NAB2: variants seen among roughly 807,000 people sequenced by gnomAD.
The protein encoded by NAB2 is NGFI-A-binding protein 2.
Under a neutral mutation model 44.2 loss-of-function variants are expected in NAB2, and 9 were observed. The ratio of observed to expected loss-of-function variants is 0.20; its 90% CI spans 0.12 to 0.36. The LOEUF is 0.36. Among genes scored for constraint, NAB2 ranks in the 10% least tolerant of loss-of-function variants. NAB2 has a pLI of 1.00. For synonymous variants in NAB2, 342 were observed against 291.0 expected, an observed-to-expected ratio of 1.18 and a Z score of -1.78; for missense variants, 514 against 709.0, an observed-to-expected ratio of 0.73 and a Z score of 3.12.
intron 1 of NAB2, 71 bp downstream of exon 1, chr12:57,089,425 G>A (rs932277715): frequency 1.4e-6 from 2 of 1,411,942 alleles, no homozygotes; most frequent in South Asian, 2.5e-5. Context: ...GGTCCAGAGG[G>A]CGGAGGTCGA....
At chr12:57,093,295 T>C in intron 5 of NAB2, 100 bp downstream of exon 5, 1 of 1,476,036 alleles carries the variant, frequency 6.8e-7, no homozygotes. Flanking sequence ...TGAAACAGGG[T>C]TGGGAGACCT....
chr12:57,091,045 G>C lies in NAB2; in HGVS notation c.84-80G>C, dbSNP rs1037167360. 4.3e-5 allele frequency: 53 copies of C among 1,231,638 alleles called. No homozygotes were observed. The highest frequency in any genetic ancestry group is 5.3e-5 in the Non-Finnish European group (47 of 892,324). 76.3% of individuals were successfully genotyped at this position (1,231,638 alleles called of 1,614,324 possible). ...GGGGAAGAAAAGCAGGCAGGAAAGAGGGAACAATTGTTAGTGTGGGTTGGT... is the reference window on the plus strand; with the variant it reads ...GGGGAAGAAAAGCAGGCAGGAAAGACGGAACAATTGTTAGTGTGGGTTGGT... On this transcript the variant is annotated intron_variant, in intron 1 of 6. Coordinates refer to ENST00000300131, the MANE Select transcript of NAB2 (RefSeq NM_005967.4). This position sits in a 1 kb window ranked among gnomAD's most constrained non-coding sequence, Gnocchi z 7.3.
intron 1 of NAB2, 110 bp downstream of exon 1, chr12:57,089,464 G>GT: frequency 1.2e-6 from 1 of 803,814 alleles, no homozygotes; most frequent in South Asian, 1.7e-5. Flanking sequence ...CAGGACGGGG[G>GT]TGGGGGGTGG....
chr12:57,090,182 G>A (rs572837371), intron 1 of NAB2, among the ~76,000 whole-genome samples: 9 of 151,914 alleles, frequency 5.9e-5, no homozygotes, highest in South Asian at 4.1e-4. Context: ...GGAAGCGTGC[G>A]TTAAGAATGC....
rs1256566848 is a variant in NAB2, at chr12:57,093,251, G to T, written c.1276+56G>T. The T allele has an allele frequency of 9.4e-5, 142 of 1,518,194 alleles. 2 individuals carry two copies. The highest frequency in any genetic ancestry group is 1.2e-4 in the Non-Finnish European group (139 of 1,133,180). The allele number at this position is 1,518,194 out of a possible 1,614,324, so 94.0% of individuals were successfully genotyped here. A position where few individuals can be genotyped will look rare whatever the true frequency, so the allele number is the denominator to read the frequency against. On this transcript the variant is annotated intron_variant, in intron 5 of 6. Transcript: ENST00000300131. ...ATTGAGGGTGGGGGAGTAGGGGAGG[G>T]GGTTGGGGGAGGAGTGAGCCAGGAG...
chr12:57,092,579 C>T lies in NAB2; in HGVS notation c.1089C>T (p.Ser363=). ...CCTACTTGTCCTCCTTGAAGGGCTCCAGGTGAGACCCCTTCCCCAGGTCCT... is the reference window on the plus strand; with the variant it reads ...CCTACTTGTCCTCCTTGAAGGGCTCTAGGTGAGACCCCTTCCCCAGGTCCT... ...ESTYLSSLKG[S]RLHPEELGGP... The change falls in exon 3 of 7, where the codon TCC becomes TCT. Residue 363 remains serine, a splice_region_variant and synonymous_variant. Coordinates refer to ENST00000300131, the MANE Select transcript of NAB2 (RefSeq NM_005967.4). 1 of 1,614,086 alleles carries T rather than the reference C, an allele frequency of 6.2e-7. No individual in the cohort carries two copies. The highest frequency in any genetic ancestry group is 8.5e-7 in the Non-Finnish European group (1 of 1,179,984).
Position 57,091,078 on chromosome 12 carries a change from A to ACTGCCTCTCTCTT in NAB2, c.84-47_84-46insCTGCCTCTCTCTT. The ACTGCCTCTCTCTT allele has an allele frequency of 6.9e-7, 1 of 1,448,136 alleles. No homozygotes were observed. The highest frequency in any genetic ancestry group is 1.4e-5 in the South Asian group (1 of 71,540). 89.7% of individuals were successfully genotyped at this position (1,448,136 alleles called of 1,614,324 possible). A position where few individuals can be genotyped will look rare whatever the true frequency, so the allele number is the denominator to read the frequency against. On this transcript the variant is annotated intron_variant, in intron 1 of 6. Coordinates refer to ENST00000300131, the MANE Select transcript of NAB2 (RefSeq NM_005967.4). The surrounding 1 kb of genome is among the most constrained non-coding windows in gnomAD (Gnocchi z 7.3). ...TTGTTAGTGTGGGTTGGTACCCAGT[A>ACTGCCTCTCTCTT]GGGGGACTTGCACCGACTGCCTCTC...
rs775383081 is a variant in NAB2, at chr12:57,091,671, C to T, written c.630C>T (p.Pro210=). ...EEEAGSPPFS[P]PAGGGVPEGT... is the part of the protein sequence containing the mutation. ...AGGCTGGCTCGCCCCCCTTCTCCCC[C>T]CCTGCAGGGGGAGGAGTCCCTGAGG... Residue 210 remains proline, a synonymous_variant, in exon 2 of 7, where the codon CCC becomes CCT. Transcript: ENST00000300131. The surrounding 1 kb of genome is among the most constrained non-coding windows in gnomAD (Gnocchi z 7.3). 5 of 1,611,522 alleles carry T rather than the reference C, an allele frequency of 3.1e-6. No homozygotes were observed. Among genetic ancestry groups the T allele is most frequent in the South Asian group, 2.2e-5 (2 of 90,940 alleles).
In NAB2 at chr12:57,091,835, C is replaced by T; in HGVS notation, c.794C>T (p.Thr265Ile). 1 of 1,614,186 alleles carries T rather than the reference C, an allele frequency of 6.2e-7. No individual in the cohort carries two copies. The highest frequency in any genetic ancestry group is 8.5e-7 in the Non-Finnish European group (1 of 1,180,018). ...SFPRGDAGEV[T>I]SLLKLNKKLA... ...CCAAGGGGGGATGCTGGGGAGGTCACATCCCTGCTAAAGCTGAATAAGAAG... is the reference window on the plus strand; with the variant it reads ...CCAAGGGGGGATGCTGGGGAGGTCATATCCCTGCTAAAGCTGAATAAGAAG... The change falls in exon 2 of 7, where the codon ACA becomes ATA. Residue 265 changes from threonine (T) to isoleucine (I), a missense_variant. Thr to Ile is a moderately conservative substitution (Grantham distance 89). Transcript: ENST00000300131. This position sits in a 1 kb window ranked among gnomAD's most constrained non-coding sequence, Gnocchi z 7.3.
At chr12:57,092,183 A>G in intron 2 of NAB2, 185 bp downstream of exon 2, 1 of 1,133,908 alleles carries the variant, frequency 8.8e-7, no homozygotes, top group Non-Finnish European at 1.2e-6. Context: ...GCTGAGGGGG[A>G]AGCAGAGATA....
At chr12:57,092,353 G>C in intron 2 of NAB2, 95 bp from the exon 3 acceptor site, 1 of 1,506,338 alleles carries the variant, frequency 6.6e-7, no homozygotes, top group Non-Finnish European at 9.0e-7. Context: ...TGATGGATGG[G>C]CCTCATTTGT....
In NAB2 at chr12:57,094,654, C is replaced by A. The variant is rs1392167899; in HGVS notation, c.1511C>A (p.Pro504His). 7 of 1,555,706 alleles carry A rather than the reference C, an allele frequency of 4.5e-6. No individual in the cohort carries two copies. Among genetic ancestry groups the A allele is most frequent in the African/African-American group, 2.7e-5 (2 of 73,486 alleles). The change falls in exon 7 of 7, where the codon CCC becomes CAC. Residue 504 changes from proline (P) to histidine (H), a missense_variant. Pro to His is a moderately conservative substitution (Grantham distance 77, BLOSUM62 -2). Coordinates refer to ENST00000300131, the MANE Select transcript of NAB2 (RefSeq NM_005967.4). ...GLLDRCPAPG[P>H]HPALVEGRRS... is the part of the protein sequence containing the mutation. ...CTGGACAGATGTCCTGCCCCAGGAC[C>A]CCATCCCGCGCTGGTGGAGGGTCGC...
Position 57,091,661 on chromosome 12 carries a change from C to T in NAB2, c.620C>T (p.Pro207Leu), listed in dbSNP as rs933012739. Residue 207 changes from proline (P) to leucine (L), a missense_variant, in exon 2 of 7, where the codon CCC becomes CTC. This residue lies in a region of NAB2 where 177 missense variants were observed against 200.5 expected (regional missense o/e 0.88). Transcript: ENST00000300131. This position sits in a 1 kb window ranked among gnomAD's most constrained non-coding sequence, Gnocchi z 7.3. The stretch of plus-strand genomic sequence containing the variant: ...GGAGAAGAGGAGGCTGGCTCGCCCC[C>T]CTTCTCCCCCCCTGCAGGGGGAGGA... ...AGGEEEAGSP[P>L]FSPPAGGGVP... 9.3e-6 allele frequency: 15 copies of T among 1,609,928 alleles called. No homozygotes were observed. Among genetic ancestry groups the T allele is most frequent in the Middle Eastern group, 1.7e-4 (1 of 6,058 alleles).
Position 57,091,769 on chromosome 12 carries a change from G to C in NAB2, c.728G>C (p.Arg243Pro), listed in dbSNP as rs761753728. Residue 243 changes from arginine (R) to proline (P), a missense_variant, in exon 2 of 7, where the codon CGC (arginine) becomes CCC (proline). Arg to Pro is a moderately radical substitution (Grantham distance 103). Coordinates refer to ENST00000300131, the MANE Select transcript of NAB2 (RefSeq NM_005967.4). This position sits in a 1 kb window ranked among gnomAD's most constrained non-coding sequence, Gnocchi z 7.3. Reference sequence around the variant, plus strand: ...GACCGACTGGAGCCAGAGATGGTACGCATGGTGGTGGAAAGTGTGGAGAGG... The same window carrying C: ...GACCGACTGGAGCCAGAGATGGTACCCATGGTGGTGGAAAGTGTGGAGAGG... The part of the protein sequence containing the change: ...GPDRLEPEMV[R>P]MVVESVERIF... 6.2e-7 allele frequency: 1 copy of C among 1,614,222 alleles called. No individual in the cohort carries two copies. Among genetic ancestry groups the C allele is most frequent in the Non-Finnish European group, 8.5e-7 (1 of 1,180,010 alleles).
At chr12:57,092,427 C>T in intron 2 of NAB2, 21 bp from the exon 3 acceptor site, 2 of 1,612,134 alleles carry the variant, frequency 1.2e-6, no homozygotes, top group East Asian at 2.2e-5. Flanking sequence ...TCTGACTCTC[C>T]TGGCTGCCCT....
Position 57,092,552 on chromosome 12 carries a change from C to T in NAB2, c.1062C>T (p.Ser354=). The change falls in exon 3 of 7, where the codon AGC becomes AGT. Residue 354 remains serine, a synonymous_variant. Transcript: ENST00000300131. ...TGTCCCGCCAAGTAGCCCGAGAGAG[C>T]ACCTACTTGTCCTCCTTGAAGGGCT... The part of the protein sequence containing the change: ...FSLSRQVARE[S]TYLSSLKGSR... The T allele has an allele frequency of 1.2e-6, 2 of 1,614,198 alleles. No individual in the cohort carries two copies. The highest frequency in any genetic ancestry group is 2.2e-5 in the East Asian group (1 of 44,878).
At chr12:57,089,849 G>A (rs1047311214) in intron 1 of NAB2, among the ~76,000 whole-genome samples, 1 of 152,200 alleles carries the variant, frequency 6.6e-6, no homozygotes, top group Non-Finnish European at 1.5e-5. Context: ...TTCACAGAGC[G>A]GGGAGGGGAG....
In NAB2 at chr12:57,095,428, G is replaced by A. The variant is rs2033342387; in HGVS notation, c.*707G>A. 6.6e-6 allele frequency: 1 copy of A among 152,650 alleles called. No individual in the cohort carries two copies. The highest frequency in any genetic ancestry group is 1.5e-5 in the Non-Finnish European group (1 of 68,058). The allele number at this position is 152,650 out of a possible 1,614,324, so 9.5% of individuals were successfully genotyped here. The stretch of plus-strand genomic sequence containing the variant: ...CTTTCTTTTCAGATTGTGTACAGTA[G>A]ATTATTTATTTTGTTATTTTGGAAT... On this transcript the variant is annotated 3_prime_UTR_variant, in exon 7 of 7. Coordinates refer to ENST00000300131, the MANE Select transcript of NAB2 (RefSeq NM_005967.4).
rs1224088374 is a variant in NAB2 at position 57,091,116 on chromosome 12, CCTT to C, written c.84-6_84-4del. ...CCGACTGCCTCTCTCTTGTGCCCCTCCTTCTCAGGCCCAGTGCCCGAGCCATGG... is the reference window on the plus strand; with the variant it reads ...CCGACTGCCTCTCTCTTGTGCCCCTCCTCAGGCCCAGTGCCCGAGCCATGG... On this transcript the variant is annotated splice_polypyrimidine_tract_variant and splice_region_variant and intron_variant, in intron 1 of 6. Transcript: ENST00000300131. This position sits in a 1 kb window ranked among gnomAD's most constrained non-coding sequence, Gnocchi z 7.3. The C allele has an allele frequency of 2.0e-6, 3 of 1,509,792 alleles. No homozygotes were observed. Among genetic ancestry groups the C allele is most frequent in the Non-Finnish European group, 2.7e-6 (3 of 1,129,418 alleles). The allele number at this position is 1,509,792 out of a possible 1,614,324, so 93.5% of individuals were successfully genotyped here. A position where few individuals can be genotyped will look rare whatever the true frequency, so the allele number is the denominator to read the frequency against.
Sources: allele counts gnomAD v4.1 joint callset (sites outside exome capture counted in the v4.1 genomes callset), GRCh38; gene constraint gnomAD v4.1.1; regional missense constraint gnomAD v4.1.1; non-coding constraint Gnocchi (gnomAD v3.1); transcripts MANE v1.5; gene names NCBI Gene and HGNC (gene_info 2026-07-23, HGNC 2026-07-21).